The following PTPRD variants were observed in gnomAD, a reference collection of about 807,000 sequenced individuals.
PTPRD encodes the protein protein tyrosine phosphatase receptor type D.
Under a neutral mutation model 214.5 loss-of-function variants are expected in PTPRD, and 34 were observed. The observed-to-expected ratio is 0.16, with a 90% CI of 0.12 to 0.21. PTPRD has a LOEUF of 0.21. Ranked by LOEUF, PTPRD falls within the 10% of genes least tolerant of loss-of-function variation. PTPRD has a pLI of 1.00. For synonymous variants in PTPRD, 1,128 were observed against 845.7 expected (o/e 1.33, Z -5.79); for missense variants, 2,545 against 2,398.7 (o/e 1.06, Z -1.27).
intron 7 of PTPRD, among the ~76,000 whole-genome samples, chr9:9,669,522 T>G (rs1355572642): frequency 2.0e-5 from 3 of 152,190 alleles, no homozygotes; most frequent in Admixed American, 2.0e-4. Context: ...AAACACATTT[T>G]GAAAATTGAT....
chr9:9,886,944 C>T (rs1229925744), intron 5 of PTPRD, among the ~76,000 whole-genome samples: 1 of 152,116 alleles, frequency 6.6e-6, no homozygotes, highest in Admixed American at 6.6e-5. Context: ...CAGTTCTTGT[C>T]TGACTTGCAT....
intron 4 of PTPRD, among the ~76,000 whole-genome samples, chr9:9,941,609 C>T (rs1375959265): frequency 2.6e-5 from 4 of 152,194 alleles, no homozygotes; most frequent in Non-Finnish European, 5.9e-5. Context: ...TGGCGTGAGC[C>T]ACTGAGCCCA....
chr9:10,199,305 G>C (rs576030595), intron 3 of PTPRD, among the ~76,000 whole-genome samples: 1 of 152,160 alleles, frequency 6.6e-6, no homozygotes, highest in Admixed American at 6.6e-5. Context: ...TTCTCACTGA[G>C]AAATCAGATT....
At chr9:9,960,200 G>A (rs1256557144) in intron 4 of PTPRD, among the ~76,000 whole-genome samples, 2 of 131,710 alleles carry the variant, frequency 1.5e-5, no homozygotes, top group Non-Finnish European at 3.2e-5. Context: ...AAAGGAGTAT[G>A]AAAAAAGGAG....
intron 4 of PTPRD, among the ~76,000 whole-genome samples, chr9:9,989,169 A>G (rs1701488252): frequency 6.6e-6 from 1 of 152,102 alleles, no homozygotes; most frequent in Non-Finnish European, 1.5e-5. Context: ...GTATCAACAT[A>G]GAAAGGTGTT....
intron 39 of PTPRD, among the ~76,000 whole-genome samples, chr9:8,353,809 C>CA (rs200070227): frequency 0.19 from 18,187 of 94,670 alleles, 3,055 homozygotes; most frequent in African/African-American, 0.44. Flanking sequence ...GACTCCTTCT[C>CA]AAAAAAAAAT....
intron 11 of PTPRD, among the ~76,000 whole-genome samples, chr9:8,871,043 T>C (rs895764041): frequency 6.6e-6 from 1 of 152,206 alleles, no homozygotes; most frequent in Admixed American, 6.5e-5. Flanking sequence ...TTCTGTCTTA[T>C]ACTCTTTAAA....
At chr9:9,421,023 C>A (rs1006524435) in intron 8 of PTPRD, among the ~76,000 whole-genome samples, 1 of 151,838 alleles carries the variant, frequency 6.6e-6, no homozygotes, top group Non-Finnish European at 1.5e-5. Flanking sequence ...GAAAAATACA[C>A]AGCTTCTGCA....
intron 2 of PTPRD, among the ~76,000 whole-genome samples, chr9:10,430,562 T>C (rs142815510): frequency 9.2e-5 from 14 of 151,936 alleles, no homozygotes; most frequent in Non-Finnish European, 1.6e-4. Context: ...TTCAACACAA[T>C]GCTAATATTT....
chr9:8,480,893 C>G (rs982279673), intron 30 of PTPRD, among the ~76,000 whole-genome samples: 5 of 152,118 alleles, frequency 3.3e-5, no homozygotes, highest in African/African-American at 1.2e-4. Flanking sequence ...GTAACCCCAG[C>G]ACTTTGGGAG....
chr9:9,582,703 A>C (rs1318491533), intron 7 of PTPRD, among the ~76,000 whole-genome samples: 7 of 152,094 alleles, frequency 4.6e-5, no homozygotes. Context: ...AAATAATTTA[A>C]ATGCATTTTA....
chr9:9,299,619 G>T (rs1024387172), intron 9 of PTPRD, among the ~76,000 whole-genome samples: 3 of 151,714 alleles, frequency 2.0e-5, no homozygotes, highest in African/African-American at 4.8e-5. Flanking sequence ...TATGTGCAAG[G>T]TCATCCATAC....
At chr9:8,492,679 T>G (rs945837604) in intron 27 of PTPRD, among the ~76,000 whole-genome samples, 183 bp downstream of exon 27, 1 of 148,484 alleles carries the variant, frequency 6.7e-6, no homozygotes, top group Non-Finnish European at 1.5e-5. Context: ...AATTATGCAC[T>G]TGGACTATTT....
At chr9:8,775,582 T>TA (rs2095438881) in intron 11 of PTPRD, among the ~76,000 whole-genome samples, 1 of 151,924 alleles carries the variant, frequency 6.6e-6, no homozygotes, top group African/African-American at 2.4e-5. Flanking sequence ...ATATTATTTT[T>TA]ATAATTTCAA....
At chr9:8,401,977 CAA>C (rs547754993) in intron 36 of PTPRD, among the ~76,000 whole-genome samples, 1 of 152,168 alleles carries the variant, frequency 6.6e-6, no homozygotes, top group South Asian at 2.1e-4. Context: ...CCTGTATTAT[CAA>C]AGCTGTCTTT....
intron 6 of PTPRD, among the ~76,000 whole-genome samples, chr9:9,763,341 C>T (rs1266603298): frequency 2.0e-5 from 3 of 152,058 alleles, no homozygotes; most frequent in Non-Finnish European, 4.4e-5. Flanking sequence ...CTAACAAAAG[C>T]ACATCAAATA....
chr9:9,090,062 A>T (rs888496385), intron 10 of PTPRD, among the ~76,000 whole-genome samples: 1 of 152,206 alleles, frequency 6.6e-6, no homozygotes, highest in Non-Finnish European at 1.5e-5. Flanking sequence ...ATTCCTTTGC[A>T]TTGGGAACAT....
chr9:9,239,919 A>G (rs2099969514), intron 9 of PTPRD, among the ~76,000 whole-genome samples: 2 of 152,182 alleles, frequency 1.3e-5, no homozygotes, highest in African/African-American at 4.8e-5. Context: ...CTCAAAACCC[A>G]GGATGACTAG....
chr9:10,309,006 A>G (rs959418404), intron 3 of PTPRD, among the ~76,000 whole-genome samples: 1 of 152,030 alleles, frequency 6.6e-6, no homozygotes, highest in African/African-American at 2.4e-5. Flanking sequence ...GGTCTAAGAT[A>G]TATACTTTAT....
Sources: gnomAD v4.1 joint callset for allele counts (sites outside exome capture counted in the v4.1 genomes callset) on GRCh38, gnomAD v4.1.1 for gene constraint, MANE v1.5 for transcripts, NCBI Gene and HGNC (gene_info 2026-07-23, HGNC 2026-07-21) for gene names.